The following PNOC variants were observed in gnomAD, a reference collection of about 807,000 sequenced individuals.
The protein encoded by PNOC is nociceptin.
Under a neutral mutation model 15.6 loss-of-function variants are expected in PNOC, and 10 were observed. That is an observed-to-expected ratio of 0.64 (90% CI 0.40 to 1.09). PNOC has a LOEUF of 1.09. Among genes scored for constraint, PNOC ranks in the 50% least tolerant of loss-of-function variants. The pLI, the probability that PNOC is intolerant of heterozygous loss-of-function variation, is 0.01. For synonymous variants in PNOC, 98 were observed against 88.5 expected (o/e 1.11, Z -0.60); for missense variants, 220 against 223.9 (o/e 0.98, Z 0.11).
At chr8:28,338,284 G>C (rs542422199) in intron 2 of PNOC, among the ~76,000 whole-genome samples, 38 of 152,294 alleles carry the variant, frequency 2.5e-4, no homozygotes, top group Non-Finnish European at 5.0e-4. Context: ...AGAGGGGCTG[G>C]AGAAACATCG....
chr8:28,339,586 C>T (rs1801479817), intron 3 of PNOC, 95 bp downstream of exon 3: 2 of 981,972 alleles, frequency 2.0e-6, no homozygotes, highest in Non-Finnish European at 2.8e-6. Context: ...TTCATCTCCC[C>T]GCCCCCTCCC....
At chr8:28,319,146 G>A (rs1382132464) in intron 1 of PNOC, among the ~76,000 whole-genome samples, 2 of 152,058 alleles carry the variant, frequency 1.3e-5, no homozygotes, top group African/African-American at 2.4e-5. Flanking sequence ...CATTATCTCG[G>A]TGTTGCAGTT....
Position 28,339,455 on chromosome 8 carries a change from C to A in PNOC, c.*11C>A. Reference sequence around the variant, plus strand: ...AATGGTAATGTGTAGCCGGAAGGGGCGCTCCTCCCAGCTGTACCGGCCACT... The same window carrying A: ...AATGGTAATGTGTAGCCGGAAGGGGAGCTCCTCCCAGCTGTACCGGCCACT... On this transcript the variant is annotated 3_prime_UTR_variant, in exon 3 of 4. Coordinates refer to ENST00000301908, the MANE Select transcript of PNOC (RefSeq NM_006228.5). 1 of 1,520,936 alleles carries A rather than the reference C, an allele frequency of 6.6e-7. No homozygotes were observed. Among genetic ancestry groups the A allele is most frequent in the South Asian group, 1.3e-5 (1 of 78,060 alleles). The allele number at this position is 1,520,936 out of a possible 1,614,324, so 94.2% of individuals were successfully genotyped here.
intron 1 of PNOC, among the ~76,000 whole-genome samples, chr8:28,328,047 ATC>A (rs1205739699): frequency 2.7e-5 from 3 of 109,530 alleles, no homozygotes; most frequent in Middle Eastern, 5.5e-3. Context: ...CAAAGGTTCC[ATC>A]TCTCTCTCTC....
rs554107398 is a variant in PNOC at position 28,326,601 on chromosome 8, C to T, written c.-23-2534C>T. Reference sequence around the variant, plus strand: ...AATTAGCGGGACCTGGTAGCATATGCCTGTAATCTCAGCACTTTGGGAGGC... The same window carrying T: ...AATTAGCGGGACCTGGTAGCATATGTCTGTAATCTCAGCACTTTGGGAGGC... On this transcript the variant is annotated intron_variant, in intron 1 of 3. Coordinates refer to ENST00000301908, the MANE Select transcript of PNOC (RefSeq NM_006228.5). 8.9e-3 allele frequency among the ~76,000 whole-genome samples: 830 copies of T among 92,812 alleles called. 5 individuals are homozygous for T. Among genetic ancestry groups the T allele is most frequent in the Admixed American group, 0.015 (86 of 5,930 alleles). 60.9% of individuals were successfully genotyped at this position (92,812 alleles called of 152,430 possible).
intron 2 of PNOC, among the ~76,000 whole-genome samples, chr8:28,330,242 C>G (rs2645720): frequency 0.33 from 49,529 of 151,382 alleles, 9,913 homozygotes; most frequent in Non-Finnish European, 0.46. Context: ...CACCGTGCCC[C>G]TCCGCATAGC....
intron 1 of PNOC, among the ~76,000 whole-genome samples, chr8:28,323,486 G>C (rs1462443757): frequency 2.0e-5 from 3 of 152,208 alleles, no homozygotes; most frequent in Non-Finnish European, 4.4e-5. Flanking sequence ...GAGGCTCACA[G>C]AAGTGAAATA....
intron 2 of PNOC, among the ~76,000 whole-genome samples, chr8:28,330,396 A>ATTTTATTTTTTTTTTTT (rs377288105): frequency 3.0e-4 from 24 of 80,452 alleles, no homozygotes; most frequent in African/African-American, 5.1e-4. Context: ...ATTTTATTTT[A>ATTTTATTTTTTTTTTTT]TTTTTTTTTT....
At chr8:28,330,520 G>A (rs1221625727) in intron 2 of PNOC, among the ~76,000 whole-genome samples, 4 of 143,782 alleles carry the variant, frequency 2.8e-5, no homozygotes, top group East Asian at 2.1e-4. Context: ...TCAGCCTCCC[G>A]AGTAGCTGGG....
chr8:28,336,770 G>A (rs944008381), intron 2 of PNOC, among the ~76,000 whole-genome samples: 14 of 151,912 alleles, frequency 9.2e-5, no homozygotes, highest in Admixed American at 2.6e-4. Context: ...CCAGAGATGC[G>A]GAGATCAGTT....
rs1042210410 is a variant in PNOC at position 28,330,333 on chromosome 8, T to C, written c.126+1050T>C. Among the ~76,000 whole-genome samples, 7 of 151,504 alleles carry C rather than the reference T, an allele frequency of 4.6e-5. 1 individual carries two copies. Among genetic ancestry groups the C allele is most frequent in the Non-Finnish European group, 8.8e-5 (6 of 67,836 alleles). On this transcript the variant is annotated intron_variant, in intron 2 of 3. Coordinates refer to ENST00000301908, the MANE Select transcript of PNOC (RefSeq NM_006228.5). ...CTGTGGATACAGAAGGACCGTGTAA[T>C]TTGTTTAACCACTGAACAGGTATGT...
In PNOC at chr8:28,339,413, G is replaced by A. The variant is rs1411574692; in HGVS notation, c.500G>A (p.Arg167Gln). 7.8e-6 allele frequency: 12 copies of A among 1,547,732 alleles called. No homozygotes were observed. Among genetic ancestry groups the A allele is most frequent in the Admixed American group, 1.9e-5 (1 of 53,848 alleles). Reference sequence around the variant, plus strand: ...CTGAGCATGCAGTCCAGCCAGCGCCGGCGCACCCTGCACCAGAATGGTAAT... The same window carrying A: ...CTGAGCATGCAGTCCAGCCAGCGCCAGCGCACCCTGCACCAGAATGGTAAT... ...LVLSMQSSQRRRTLHQNGNV is the reference protein window; with the variant it reads ...LVLSMQSSQRQRTLHQNGNV Residue 167 changes from arginine to glutamine, a missense_variant, in exon 3 of 4, where the codon CGG (arginine) becomes CAG (glutamine). Coordinates refer to ENST00000301908, the MANE Select transcript of PNOC (RefSeq NM_006228.5).
chr8:28,322,111 G>C (rs899501545), intron 1 of PNOC, among the ~76,000 whole-genome samples: 1 of 152,140 alleles, frequency 6.6e-6, no homozygotes, highest in Non-Finnish European at 1.5e-5. Context: ...CATCAGCCCC[G>C]GCACAGTGGC....
At chr8:28,341,256 C>T (rs1801514553) in intron 3 of PNOC, among the ~76,000 whole-genome samples, 1 of 152,124 alleles carries the variant, frequency 6.6e-6, no homozygotes, top group Non-Finnish European at 1.5e-5. Context: ...AATATGGACA[C>T]GTGTATTAAG....
intron 2 of PNOC, among the ~76,000 whole-genome samples, chr8:28,329,832 G>A (rs959827847): frequency 2.0e-5 from 3 of 151,974 alleles, no homozygotes; most frequent in African/African-American, 7.3e-5. Flanking sequence ...AAGCAATACA[G>A]CATAACAACT....
chr8:28,330,400 T>TATTTTTTTTTTTTTTTTTTA (rs1431540071), intron 2 of PNOC, among the ~76,000 whole-genome samples: 20 of 102,246 alleles, frequency 2.0e-4, no homozygotes, highest in Non-Finnish European at 3.7e-4. Context: ...TATTTTATTT[T>TATTTTTTTTTTTTTTTTTTA]TTTTTTTTTT....
At chr8:28,317,484 A>G (rs1003453039) in intron 1 of PNOC, among the ~76,000 whole-genome samples, 168 bp downstream of exon 1, 2 of 151,530 alleles carry the variant, frequency 1.3e-5, no homozygotes, top group African/African-American at 4.9e-5. Flanking sequence ...TCTCCTTTGT[A>G]GCGCTTGGAT....
intron 1 of PNOC, among the ~76,000 whole-genome samples, chr8:28,322,947 G>C (rs1348811176): frequency 1.3e-5 from 2 of 152,112 alleles, no homozygotes; most frequent in Non-Finnish European, 2.9e-5. Flanking sequence ...AAAATTTTTT[G>C]GTAACCTGTC....
chr8:28,317,573 G>A (rs117910773), intron 1 of PNOC, among the ~76,000 whole-genome samples: 2,842 of 152,296 alleles, frequency 0.019, 37 homozygotes, highest in South Asian at 0.037. Context: ...ACTTGGAAAT[G>A]AGGAAAAGTT....
Sources: allele counts gnomAD v4.1 joint callset (sites outside exome capture counted in the v4.1 genomes callset), GRCh38; gene constraint gnomAD v4.1.1; transcripts MANE v1.5; gene names NCBI Gene and HGNC (gene_info 2026-07-23, HGNC 2026-07-21).